Variants in FAP observed in about 807,000 individuals in gnomAD.
The protein encoded by FAP is prolyl endopeptidase FAP.
FAP carries 110 observed loss-of-function variants against 126.5 expected under a neutral mutation model. That is an observed-to-expected ratio of 0.87 (90% CI 0.74 to 1.02). FAP has a LOEUF of 1.02. Among genes scored for constraint, FAP ranks in the 50% least tolerant of loss-of-function variants. The pLI, the probability that FAP is intolerant of heterozygous loss-of-function variation, is 0.00. For synonymous variants in FAP, 334 were observed against 297.3 expected (o/e 1.12, Z -1.27); for missense variants, 919 against 909.2 (o/e 1.01, Z -0.14).
At chr2:162,174,838 C>CA (rs1176048279) in intron 22 of FAP, 29 bp downstream of exon 22, 2 of 1,485,528 alleles carry the variant, frequency 1.3e-6, no homozygotes, top group Admixed American at 3.4e-5. Context: ...TAAATGCTTT[C>CA]ACAGTAACAT....
At chr2:162,216,630 A>C (rs1689170458) in intron 9 of FAP, among the ~76,000 whole-genome samples, 1 of 152,320 alleles carries the variant, frequency 6.6e-6, no homozygotes, top group African/African-American at 2.4e-5. Flanking sequence ...AGTATAGCTC[A>C]TACCTAGACA....
At chr2:162,237,643 A>G (rs1340104268) in intron 2 of FAP, among the ~76,000 whole-genome samples, 1 of 152,198 alleles carries the variant, frequency 6.6e-6, no homozygotes, top group Non-Finnish European at 1.5e-5. Flanking sequence ...GCTATTGTGA[A>G]CAGTGCTGCA....
intron 11 of FAP, among the ~76,000 whole-genome samples, chr2:162,212,247 A>T (rs949979390): frequency 6.6e-6 from 1 of 152,182 alleles, no homozygotes; most frequent in Non-Finnish European, 1.5e-5. Context: ...AGGAGCTAAA[A>T]ATTGTGTCTA....
chr2:162,171,817 G>A (rs556275430), intron 25 of FAP: 1 of 151,750 alleles, frequency 6.6e-6, no homozygotes, highest in Admixed American at 6.6e-5. Context: ...ATCTTTTTGG[G>A]GGTACAGTGA....
At position 162,170,792 on chromosome 2, in the gene FAP, C is replaced by A; in HGVS notation, c.*187G>T. 1 of 537,560 alleles carries A rather than the reference C, an allele frequency of 1.9e-6. No individual in the cohort carries two copies. The highest frequency in any genetic ancestry group is 3.3e-6 in the Non-Finnish European group (1 of 302,094). 33.3% of individuals were successfully genotyped at this position (537,560 alleles called of 1,614,324 possible). A position where few individuals can be genotyped will look rare whatever the true frequency, so the allele number is the denominator to read the frequency against. On this transcript the variant is annotated 3_prime_UTR_variant, in exon 26 of 26. Coordinates refer to ENST00000188790, the MANE Select transcript of FAP (RefSeq NM_004460.5). ...CCTTTTCTCTTCTTTCACAGAGTAC[C>A]AGAAAATGTAAACAATATTTAGCTT...
rs939168054 is a variant in FAP at position 162,215,924 on chromosome 2, C to A, written c.840G>T (p.Val280=). 6.2e-7 allele frequency: 1 copy of A among 1,613,846 alleles called. No homozygotes were observed. Among genetic ancestry groups the A allele is most frequent in the Non-Finnish European group, 8.5e-7 (1 of 1,179,770 alleles). ...TTGAGGCTATCATTGCTGGAACAGG[C>A]ACTTCCTGGGGACCTACATACGCAG... ...TYPAYVGPQE[V]PVPAMIASSD... is the part of the protein sequence containing the mutation. Residue 280 remains valine (V), a synonymous_variant, in exon 10 of 26, where the codon GTG becomes GTT. Coordinates refer to ENST00000188790, the MANE Select transcript of FAP (RefSeq NM_004460.5).
At chr2:162,204,565 T>G (rs1326980787) in intron 12 of FAP, among the ~76,000 whole-genome samples, 1 of 152,110 alleles carries the variant, frequency 6.6e-6, no homozygotes, top group Admixed American at 6.5e-5. Flanking sequence ...GGGATTAAAG[T>G]GATACGGCTG....
At chr2:162,173,588 T>C in intron 23 of FAP, 135 bp downstream of exon 23, 1 of 668,750 alleles carries the variant, frequency 1.5e-6, no homozygotes, top group Non-Finnish European at 2.7e-6. Context: ...TTTCTAGTGA[T>C]GTGTTTTGCA....
At chr2:162,235,464 T>C (rs111806391) in intron 2 of FAP, among the ~76,000 whole-genome samples, 222 of 152,292 alleles carry the variant, frequency 1.5e-3, no homozygotes, top group African/African-American at 5.0e-3. Context: ...AGCTCAAGGT[T>C]TGTGAACACA....
At chr2:162,226,728 C>A in intron 2 of FAP, 107 bp from the exon 3 acceptor site, 1 of 606,360 alleles carries the variant, frequency 1.6e-6, no homozygotes, top group Admixed American at 3.6e-5. Flanking sequence ...ATAAGATCTG[C>A]TGTTTGCTAA....
chr2:162,196,030 G>C (rs1017540205), intron 16 of FAP, among the ~76,000 whole-genome samples: 4 of 152,178 alleles, frequency 2.6e-5, no homozygotes, highest in African/African-American at 9.7e-5. Context: ...TCTGCCTGCA[G>C]AGAACATGCT....
At chr2:162,209,829 T>G in intron 12 of FAP, 123 bp downstream of exon 12, 1 of 797,816 alleles carries the variant, frequency 1.3e-6, no homozygotes, top group South Asian at 1.5e-5. Context: ...ATGTGTTTTA[T>G]ACCTTGCTAC....
At chr2:162,185,679 T>C (rs1215326843) in intron 20 of FAP, among the ~76,000 whole-genome samples, 1 of 152,154 alleles carries the variant, frequency 6.6e-6, no homozygotes, top group Non-Finnish European at 1.5e-5. Flanking sequence ...TCCAAATATG[T>C]ACGTACGATT....
chr2:162,238,912 A>T (rs1690240904), intron 2 of FAP, among the ~76,000 whole-genome samples: 1 of 152,192 alleles, frequency 6.6e-6, no homozygotes, highest in Non-Finnish European at 1.5e-5. Context: ...AAAAATATTG[A>T]TCTCTGTGCT....
chr2:162,218,208 T>G (rs1201612802), intron 8 of FAP, 68 bp from the exon 9 acceptor site: 2 of 1,011,800 alleles, frequency 2.0e-6, no homozygotes, highest in Non-Finnish European at 2.9e-6. Flanking sequence ...TAAATACTTC[T>G]AAATAGCTAT....
chr2:162,236,453 T>TG lies in FAP; in HGVS notation c.91+6454_91+6455insC, dbSNP rs371028477. On this transcript the variant is annotated intron_variant, in intron 2 of 25. Transcript: ENST00000188790. Reference sequence around the variant, plus strand: ...TAGGAAGTTTTTATGTTTTTGTTTTTTTTTTTTTGTGGGAAGTTTTAAAAT... The same window carrying TG: ...TAGGAAGTTTTTATGTTTTTGTTTTTGTTTTTTTTGTGGGAAGTTTTAAAAT... Among the ~76,000 whole-genome samples, 13 of 152,156 alleles carry TG rather than the reference T, an allele frequency of 8.5e-5. 1 individual carries two copies. Among genetic ancestry groups the TG allele is most frequent in the African/African-American group, 2.9e-4 (12 of 41,552 alleles).
chr2:162,214,198 A>T (rs1285403699), intron 10 of FAP, 125 bp from the exon 11 acceptor site: 1 of 687,994 alleles, frequency 1.5e-6, no homozygotes, highest in Non-Finnish European at 2.2e-6. Flanking sequence ...ATAGGTAAGC[A>T]AGACAAAACA....
Position 162,194,681 on chromosome 2 carries a change from T to G in FAP, c.1450+20A>C, listed in dbSNP as rs758529172. ...TCAGGATTACTTGAGACAAGATAGA[T>G]AACATGCAAGAGAGAGTACCTTGAT... On this transcript the variant is annotated intron_variant, in intron 17 of 25. Transcript: ENST00000188790. 1.9e-6 allele frequency: 3 copies of G among 1,610,966 alleles called. No homozygotes were observed. The African/African-American group carries it at 4.0e-5, about 22-fold the overall frequency.
chr2:162,203,758 GGTAACCCCATGC>G (rs1688589932), intron 12 of FAP, among the ~76,000 whole-genome samples: 1 of 152,242 alleles, frequency 6.6e-6, no homozygotes, highest in Admixed American at 6.5e-5. Flanking sequence ...ACCTCTAACA[GGTAACCCCATGC>G]AGAACTTGCT....
Sources: allele counts gnomAD v4.1 joint callset (sites outside exome capture counted in the v4.1 genomes callset), GRCh38; gene constraint gnomAD v4.1.1; transcripts MANE v1.5; gene names NCBI Gene and HGNC (gene_info 2026-07-23, HGNC 2026-07-21).